The following SLC49A4 variants were observed in gnomAD, a reference collection of about 807,000 sequenced individuals.
SLC49A4 encodes solute carrier family 49 member 4.
Under a neutral mutation model 50.6 loss-of-function variants are expected in SLC49A4, and 36 were observed. The ratio of observed to expected loss-of-function variants is 0.71; its 90% confidence interval spans 0.55 to 0.94. The LOEUF (loss-of-function observed/expected upper bound fraction) is 0.94, where lower values mean the gene tolerates loss of function less well. Ranked by LOEUF, SLC49A4 falls within the 40% of genes least tolerant of loss-of-function variation. The pLI, the probability that SLC49A4 is intolerant of heterozygous loss-of-function variation, is 0.00. For missense variants in SLC49A4, 503 were observed against 605.7 expected, an observed-to-expected ratio of 0.83 and a Z score of 1.78; for synonymous variants, 248 against 241.2, an observed-to-expected ratio of 1.03 and a Z score of -0.26.
chr3:122,828,425 G>A (rs943004989), intron 3 of SLC49A4, among the ~76,000 whole-genome samples: 2 of 152,206 alleles, frequency 1.3e-5, no homozygotes, highest in Non-Finnish European at 2.9e-5. Context: ...AATACAGTAG[G>A]CAGGAAGATT....
At chr3:122,815,225 G>A (rs1936348518) in intron 2 of SLC49A4, among the ~76,000 whole-genome samples, 1 of 152,026 alleles carries the variant, frequency 6.6e-6, no homozygotes, top group African/African-American at 2.4e-5. Flanking sequence ...GAGTAACTAG[G>A]ATTACAGACA....
intron 2 of SLC49A4, among the ~76,000 whole-genome samples, chr3:122,813,637 G>T (rs1936328657): frequency 6.6e-6 from 1 of 152,014 alleles, no homozygotes; most frequent in African/African-American, 2.4e-5. Context: ...TCTTTTCTTT[G>T]AAATAAGGAT....
At chr3:122,863,644 G>A (rs1368932967) in intron 7 of SLC49A4, among the ~76,000 whole-genome samples, 2 of 152,136 alleles carry the variant, frequency 1.3e-5, no homozygotes, top group African/African-American at 4.8e-5. Flanking sequence ...CTTTAGGCTG[G>A]TATTTAAAGT....
chr3:122,839,823 A>G (rs1190802121), intron 4 of SLC49A4, among the ~76,000 whole-genome samples: 1 of 152,222 alleles, frequency 6.6e-6, no homozygotes, highest in Non-Finnish European at 1.5e-5. Flanking sequence ...TATGCAAAAC[A>G]GTATGGAGAT....
intron 1 of SLC49A4, among the ~76,000 whole-genome samples, chr3:122,801,888 G>A (rs539917849): frequency 1.3e-5 from 2 of 152,346 alleles, no homozygotes; most frequent in East Asian, 3.9e-4. Context: ...GACAACCACA[G>A]CAAGGAGCAG....
chr3:122,799,540 A>G (rs1936100887), intron 1 of SLC49A4, among the ~76,000 whole-genome samples: 1 of 152,170 alleles, frequency 6.6e-6, no homozygotes, highest in Non-Finnish European at 1.5e-5. Flanking sequence ...AGGCCAGGAG[A>G]TACAGGGCCC....
intron 2 of SLC49A4, among the ~76,000 whole-genome samples, chr3:122,811,568 AT>A (rs1386871213): frequency 6.6e-6 from 1 of 152,222 alleles, no homozygotes; most frequent in African/African-American, 2.4e-5. Flanking sequence ...ATTTGCACTT[AT>A]AGAAAATTAG....
chr3:122,803,472 TC>T (rs1431661212), intron 1 of SLC49A4, among the ~76,000 whole-genome samples: 32 of 152,172 alleles, frequency 2.1e-4, no homozygotes, highest in Non-Finnish European at 4.4e-4. Flanking sequence ...GAATCTTGAA[TC>T]TTTTGTGTCT....
chr3:122,860,836 C>G (rs563826409), intron 7 of SLC49A4, among the ~76,000 whole-genome samples: 7 of 152,296 alleles, frequency 4.6e-5, no homozygotes, highest in Admixed American at 3.9e-4. Context: ...AATTTATTAT[C>G]TTACATTTCT....
At chr3:122,850,731 C>T (rs1413085149) in intron 5 of SLC49A4, among the ~76,000 whole-genome samples, 7 of 152,116 alleles carry the variant, frequency 4.6e-5, no homozygotes, top group African/African-American at 1.7e-4. Flanking sequence ...GTCTGGAACT[C>T]CTGAGCTCAA....
intron 4 of SLC49A4, among the ~76,000 whole-genome samples, chr3:122,842,474 A>G (rs1936784468): frequency 9.1e-6 from 1 of 109,906 alleles, no homozygotes; most frequent in African/African-American, 3.7e-5. Flanking sequence ...CGACAGAGCG[A>G]GACTCCGTCT....
chr3:122,864,651 G>C (rs1051384596), intron 7 of SLC49A4, among the ~76,000 whole-genome samples: 4 of 152,168 alleles, frequency 2.6e-5, no homozygotes, highest in African/African-American at 7.2e-5. Context: ...AAGCCCCCAG[G>C]GAGTGATAGC....
chr3:122,801,184 G>A (rs1424409973), intron 1 of SLC49A4, among the ~76,000 whole-genome samples: 2 of 152,254 alleles, frequency 1.3e-5, no homozygotes, highest in Non-Finnish European at 2.9e-5. Flanking sequence ...GGAAACACAT[G>A]AGGTGGTTGA....
intron 7 of SLC49A4, among the ~76,000 whole-genome samples, chr3:122,863,614 A>G (rs1937082271): frequency 6.6e-6 from 1 of 152,232 alleles, no homozygotes. Context: ...TACAAAATCT[A>G]ATTATAGACA....
At chr3:122,803,145 A>G in intron 1 of SLC49A4, among the ~76,000 whole-genome samples, 1 of 152,196 alleles carries the variant, frequency 6.6e-6, no homozygotes, top group East Asian at 1.9e-4. Flanking sequence ...AAGGCACATC[A>G]TGGTCATACT....
intron 3 of SLC49A4, among the ~76,000 whole-genome samples, chr3:122,828,569 C>G (rs902478140): frequency 5.3e-5 from 8 of 152,130 alleles, no homozygotes; most frequent in African/African-American, 1.4e-4. Flanking sequence ...CCCACGCAAA[C>G]CTTCTAAGCA....
intron 5 of SLC49A4, among the ~76,000 whole-genome samples, chr3:122,851,040 C>T (rs1159080421): frequency 6.6e-6 from 1 of 152,140 alleles, no homozygotes; most frequent in Non-Finnish European, 1.5e-5. Flanking sequence ...GCACACTTGA[C>T]TTATCAAATT....
intron 4 of SLC49A4, among the ~76,000 whole-genome samples, chr3:122,835,989 T>G (rs1232628133): frequency 6.6e-6 from 1 of 152,014 alleles, no homozygotes; most frequent in African/African-American, 2.4e-5. Flanking sequence ...AATGAATAAC[T>G]CAGTCCTCTT....
intron 7 of SLC49A4, among the ~76,000 whole-genome samples, chr3:122,862,703 TA>T (rs1489803749): frequency 6.6e-6 from 1 of 152,228 alleles, no homozygotes; most frequent in Non-Finnish European, 1.5e-5. Context: ...CATGAGTACA[TA>T]AAGAACAGAT....
Sources: gnomAD v4.1 joint callset for allele counts (sites outside exome capture counted in the v4.1 genomes callset) on GRCh38, gnomAD v4.1.1 for gene constraint, MANE v1.5 for transcripts, NCBI Gene and HGNC (gene_info 2026-07-23, HGNC 2026-07-21) for gene names.